Variants in PRRC2C observed in about 807,000 individuals in gnomAD.
PRRC2C encodes the protein proline rich coiled-coil 2C.
PRRC2C carries 72 observed loss-of-function variants against 317.2 expected under a neutral mutation model. The ratio of observed to expected loss-of-function variants is 0.23; its 90% CI spans 0.19 to 0.28. The LOEUF is 0.28. Ranked by LOEUF, PRRC2C falls within the 10% of genes least tolerant of loss-of-function variation. The pLI is 1.00. For synonymous variants in PRRC2C, 1,296 were observed against 1,205.9 expected (o/e 1.07, Z -1.55); for missense variants, 3,074 against 3,459.7 (o/e 0.89, Z 2.80).
chr1:171,515,535 G>A (rs1433845016), intron 4 of PRRC2C, among the ~76,000 whole-genome samples, 199 bp from the exon 5 acceptor site: 1 of 152,146 alleles, frequency 6.6e-6, no homozygotes, highest in African/African-American at 2.4e-5. Flanking sequence ...TACTGTCTTA[G>A]ACTTTCATCT....
At position 171,562,088 on chromosome 1, in the gene PRRC2C, T is replaced by G. The variant is rs757766047; in HGVS notation, c.6117+985T>G. Among the ~76,000 whole-genome samples the G allele has an allele frequency of 4.5e-4, 68 of 152,276 alleles. 1 individual carries two copies. Among genetic ancestry groups the G allele is most frequent in the Non-Finnish European group, 8.8e-4 (60 of 68,024 alleles). ...AATTTTCCAAGGTTCACAAAGACAG[T>G]TTAATATAGGGTGACCACGAAAGCC... On this transcript the variant is annotated intron_variant, in intron 20 of 34. Coordinates refer to ENST00000647382, the MANE Select transcript of PRRC2C (RefSeq NM_001387844.1).
chr1:171,580,170 T>G (rs1648190942), intron 28 of PRRC2C, among the ~76,000 whole-genome samples: 1 of 152,200 alleles, frequency 6.6e-6, no homozygotes, highest in Non-Finnish European at 1.5e-5. Context: ...AATGTCAGGT[T>G]TCAAACCCTC....
intron 6 of PRRC2C, among the ~76,000 whole-genome samples, chr1:171,518,459 A>G (rs1557899547): frequency 9.3e-6 from 1 of 107,790 alleles, no homozygotes; most frequent in Non-Finnish European, 2.1e-5. Flanking sequence ...GTGTACTTTT[A>G]ATATTTTTTT....
rs759621604 is a variant in PRRC2C at position 171,566,267 on chromosome 1, T to C, written c.6152T>C (p.Ile2051Thr). ...AATGGTCAAGAAAGTGGACTCGAAATTGGAACTGACACAATTCAGTTTGGT... is the reference window on the plus strand; with the variant it reads ...AATGGTCAAGAAAGTGGACTCGAAACTGGAACTGACACAATTCAGTTTGGT... ...AKNGQESGLE[I>T]GTDTIQFGAP... The change falls in exon 21 of 35, where the codon ATT (isoleucine) becomes ACT (threonine). Residue 2051 changes from isoleucine (I) to threonine (T), a missense_variant. Physicochemically the swap from Ile to Thr is moderately conservative, Grantham distance 89 (BLOSUM62 -1). Around this residue, in one of 11 missense-constraint regions of PRRC2C, gnomAD observed 640 missense variants for 676.1 expected, o/e 0.95. Transcript: ENST00000647382. 2.5e-6 allele frequency: 4 copies of C among 1,611,790 alleles called. No homozygotes were observed. Among genetic ancestry groups the C allele is most frequent in the Non-Finnish European group, 3.4e-6 (4 of 1,179,024 alleles).
chr1:171,510,512 A>T (rs1435369715), intron 1 of PRRC2C: 2 of 152,036 alleles, frequency 1.3e-5, no homozygotes, highest in African/African-American at 4.8e-5. Context: ...TATTCTTTCT[A>T]TATCTTTGTA....
intron 24 of PRRC2C, among the ~76,000 whole-genome samples, chr1:171,574,308 A>G (rs902047830): frequency 1.3e-5 from 2 of 152,110 alleles, no homozygotes; most frequent in African/African-American, 4.8e-5. Flanking sequence ...AAAATTACAT[A>G]TTTGATTTGC....
chr1:171,515,719 TA>T lies in PRRC2C; in HGVS notation c.401-8del. ...ATAAAAGTTACCTTTAATGTTTTTTTAAAAAAATCTATAGGAATCCAAGTGA... is the reference window on the plus strand; with the variant it reads ...ATAAAAGTTACCTTTAATGTTTTTTTAAAAAATCTATAGGAATCCAAGTGA... On this transcript the variant is annotated splice_polypyrimidine_tract_variant and intron_variant, in intron 4 of 34. Transcript: ENST00000647382. 6.4e-7 allele frequency: 1 copy of T among 1,570,158 alleles called. No homozygotes were observed. Among genetic ancestry groups the T allele is most frequent in the Non-Finnish European group, 8.6e-7 (1 of 1,159,064 alleles).
chr1:171,560,664 T>C (rs1309242438), intron 19 of PRRC2C, among the ~76,000 whole-genome samples: 1 of 152,216 alleles, frequency 6.6e-6, no homozygotes, highest in Non-Finnish European at 1.5e-5. Context: ...AGCGGTAGTT[T>C]TTTTAAAATT....
At chr1:171,556,809 A>G (rs1033158865) in intron 18 of PRRC2C, among the ~76,000 whole-genome samples, 6 of 152,224 alleles carry the variant, frequency 3.9e-5, no homozygotes, top group African/African-American at 1.4e-4. Flanking sequence ...TAACCTTTGG[A>G]ACCAAATTTT....
Position 171,557,446 on chromosome 1 carries a change from AGTTCCAGCCTCAACCTCAGCTCCG to A in PRRC2C, c.5349_5372del (p.Ser1784_Thr1791del). The stretch of plus-strand genomic sequence containing the variant: ...CTCCACTTCCGGCAACCTTAACTCC[AGTTCCAGCCTCAACCTCAGCTCCG>A]GTTCCAGCCTCAACTTTAGCTCCAG... On this transcript the variant is annotated inframe_deletion, in exon 19 of 35. Coordinates refer to ENST00000647382, the MANE Select transcript of PRRC2C (RefSeq NM_001387844.1). 2 of 1,545,990 alleles carry A rather than the reference AGTTCCAGCCTCAACCTCAGCTCCG, an allele frequency of 1.3e-6. No homozygotes were observed. Among genetic ancestry groups the A allele is most frequent in the Non-Finnish European group, 1.7e-6 (2 of 1,143,230 alleles).
Position 171,550,212 on chromosome 1 carries a change from G to A in PRRC2C, c.5099G>A (p.Arg1700His). The A allele has an allele frequency of 6.2e-7, 1 of 1,601,644 alleles. No individual in the cohort carries two copies. The highest frequency in any genetic ancestry group is 8.5e-7 in the Non-Finnish European group (1 of 1,173,848). ...CAAAAACGTTTACAGGATGAAGAAC[G>A]CCGAAAGAAGGAAGAACAAGTCATA... ...KQQKRLQDEERRKKEEQVIQV... is the reference protein window; with the variant it reads ...KQQKRLQDEEHRKKEEQVIQV... The change falls in exon 18 of 35, where the codon CGC becomes CAC. Residue 1700 changes from arginine to histidine, a missense_variant. Arg to His is a conservative substitution (Grantham distance 29). Transcript: ENST00000647382.
At chr1:171,575,986 G>A (rs1346060136) in intron 25 of PRRC2C, among the ~76,000 whole-genome samples, 1 of 152,138 alleles carries the variant, frequency 6.6e-6, no homozygotes, top group African/African-American at 2.4e-5. Flanking sequence ...CTGGTCTTAG[G>A]TTTATACAAG....
Position 171,592,755 on chromosome 1 carries a change from G to A in PRRC2C, c.*908G>A, listed in dbSNP as rs1200017483. 1 of 151,686 alleles carries A rather than the reference G, an allele frequency of 6.6e-6. No individual in the cohort carries two copies. The highest frequency in any genetic ancestry group is 1.5e-5 in the Non-Finnish European group (1 of 67,948). 9.4% of individuals were successfully genotyped at this position (151,686 alleles called of 1,614,324 possible). A position where few individuals can be genotyped will look rare whatever the true frequency, so the allele number is the denominator to read the frequency against. On this transcript the variant is annotated 3_prime_UTR_variant, in exon 35 of 35. Coordinates refer to ENST00000647382, the MANE Select transcript of PRRC2C (RefSeq NM_001387844.1). Reference sequence around the variant, plus strand: ...TTAGCTGGTGTTTATGAAGAACAGTGAGTACCTAGAACTGTGCCACTAATT... The same window carrying A: ...TTAGCTGGTGTTTATGAAGAACAGTAAGTACCTAGAACTGTGCCACTAATT...
intron 17 of PRRC2C, among the ~76,000 whole-genome samples, chr1:171,549,518 A>G (rs1048776922): frequency 5.9e-5 from 9 of 152,072 alleles, no homozygotes; most frequent in South Asian, 2.1e-4. Flanking sequence ...CATTACTTCT[A>G]TATTACTTAA....
At chr1:171,525,657 T>TA (rs1167366984) in intron 10 of PRRC2C, among the ~76,000 whole-genome samples, 1 of 152,184 alleles carries the variant, frequency 6.6e-6, no homozygotes, top group Admixed American at 6.5e-5. Context: ...AGTAAGCAGT[T>TA]ACAGTGTGCT....
intron 19 of PRRC2C, among the ~76,000 whole-genome samples, chr1:171,558,809 G>A (rs192912577): frequency 1.8e-4 from 27 of 152,298 alleles, no homozygotes; most frequent in Admixed American, 9.8e-4. Context: ...GAAGAGTCAC[G>A]TACGTCTCAC....
chr1:171,549,580 T>C (rs1054995221), intron 17 of PRRC2C, among the ~76,000 whole-genome samples: 2 of 152,180 alleles, frequency 1.3e-5, no homozygotes, highest in African/African-American at 4.8e-5. Flanking sequence ...TAGGATTTTT[T>C]GGACAGAGTC....
intron 1 of PRRC2C, among the ~76,000 whole-genome samples, chr1:171,504,289 C>T (rs1211591203): frequency 6.6e-6 from 1 of 152,012 alleles, no homozygotes; most frequent in Non-Finnish European, 1.5e-5. Context: ...AGCAAAAGTC[C>T]AGTTTATAAA....
intron 20 of PRRC2C, among the ~76,000 whole-genome samples, chr1:171,565,175 C>T (rs867516502): frequency 3.0e-4 from 46 of 152,214 alleles, no homozygotes; most frequent in African/African-American, 1.1e-3. Context: ...CCTCACTGAC[C>T]TTTTTTTGTT....
Sources: gnomAD v4.1 joint callset for allele counts (sites outside exome capture counted in the v4.1 genomes callset) on GRCh38, gnomAD v4.1.1 for gene constraint, gnomAD v4.1.1 regional missense constraint, MANE v1.5 for transcripts, NCBI Gene and HGNC (gene_info 2026-07-23, HGNC 2026-07-21) for gene names.